Variants in POLR2F observed in about 807,000 individuals in gnomAD.
POLR2F encodes the protein DNA-directed RNA polymerases I, II, and III subunit RPABC2.
In POLR2F, 12 loss-of-function variants were observed where a neutral mutation model predicts 22.7. The observed-to-expected ratio is 0.53, with a 90% CI of 0.34 to 0.86. POLR2F has a LOEUF of 0.86. Ranked by LOEUF, POLR2F falls within the 40% of genes least tolerant of loss-of-function variation. POLR2F has a pLI of 0.02. For missense variants in POLR2F, 126 were observed against 171.5 expected (o/e 0.73, Z 1.48); for synonymous variants, 57 against 66.0 (o/e 0.86, Z 0.66).
At chr22:38,036,070 G>C (rs981135208) in intron 5 of POLR2F, among the ~76,000 whole-genome samples, 13 of 151,884 alleles carry the variant, frequency 8.6e-5, no homozygotes, top group African/African-American at 3.1e-4. Context: ...CCGCCTCCCG[G>C]GTTCAAGCAA....
At chr22:38,003,018 C>T (rs556326500) in intron 1 of POLR2F, among the ~76,000 whole-genome samples, 2 of 152,188 alleles carry the variant, frequency 1.3e-5, no homozygotes, top group Non-Finnish European at 2.9e-5. Flanking sequence ...ACCCACCGCG[C>T]CCGGCCAACT....
At chr22:37,979,019 C>T (rs758245027) in intron 4 of POLR2F, among the ~76,000 whole-genome samples, 12 of 151,996 alleles carry the variant, frequency 7.9e-5, no homozygotes, top group Non-Finnish European at 4.4e-5. Context: ...TTAGTTGATC[C>T]GCCTGCCTTG....
chr22:37,959,621 T>C (rs1277406400), intron 3 of POLR2F, 145 bp downstream of exon 3: 1 of 859,684 alleles, frequency 1.2e-6, no homozygotes, highest in African/African-American at 1.7e-5. Context: ...TACCAGGCAT[T>C]GAGCTAGTCC....
chr22:38,002,533 C>T (rs1044183128), intron 1 of POLR2F, among the ~76,000 whole-genome samples: 9 of 151,774 alleles, frequency 5.9e-5, no homozygotes, highest in Non-Finnish European at 2.9e-5. Context: ...CCACCATGCC[C>T]GGCTAATTTT....
At chr22:37,972,006 G>A (rs1569166966), downstream of POLR2F, among the ~76,000 whole-genome samples, 1 of 149,956 alleles carries the variant, frequency 6.7e-6, no homozygotes, top group African/African-American at 2.5e-5. Flanking sequence ...ACTCTCCATT[G>A]TTCCCACTTT....
chr22:37,975,711 T>C (rs1459458534), intron 4 of POLR2F, among the ~76,000 whole-genome samples: 1 of 152,186 alleles, frequency 6.6e-6, no homozygotes, highest in African/African-American at 2.4e-5. Flanking sequence ...CCTGGTTCTG[T>C]GTCTGGACAA....
chr22:37,978,691 G>T lies in POLR2F; in HGVS notation c.293+11521G>T, dbSNP rs1347896153. Among the ~76,000 whole-genome samples, 1 of 152,152 alleles carries T rather than the reference G, an allele frequency of 6.6e-6. No individual in the cohort carries two copies. Among genetic ancestry groups the T allele is most frequent in the Non-Finnish European group, 1.5e-5 (1 of 68,038 alleles). On this transcript the variant is annotated intron_variant, in intron 4 of 4. Coordinates refer to the POLR2F transcript ENST00000405557. The surrounding 1 kb of genome is among the most constrained non-coding windows in gnomAD (Gnocchi z 5.0). The stretch of plus-strand genomic sequence containing the variant: ...ATAACATTGGCTTAACTTGGGTGTG[G>T]GATTGGCCAGAATAATGGATGTGAG...
downstream of POLR2F, among the ~76,000 whole-genome samples, chr22:37,971,887 TG>T (rs1280319675): frequency 6.6e-6 from 1 of 151,630 alleles, no homozygotes; most frequent in Admixed American, 6.6e-5. Context: ...TAAGAGTGAG[TG>T]GCCCCCCTGC....
At chr22:37,959,582 C>T in intron 3 of POLR2F, 106 bp downstream of exon 3, 1 of 1,327,798 alleles carries the variant, frequency 7.5e-7, no homozygotes, top group South Asian at 1.4e-5. Flanking sequence ...TCTCTGCTCT[C>T]ACATTCCAAA....
downstream of POLR2F, chr22:37,971,279 G>C: frequency 2.1e-6 from 1 of 471,064 alleles, no homozygotes; most frequent in Admixed American, 2.3e-5. Context: ...CATCAGCCTC[G>C]CAAACTTCAG....
At chr22:38,000,906 G>A (rs746986490) in intron 1 of POLR2F, among the ~76,000 whole-genome samples, 7 of 152,174 alleles carry the variant, frequency 4.6e-5, no homozygotes, top group Admixed American at 1.3e-4. Flanking sequence ...TCAGCACAGC[G>A]CTTGGCACAT....
chr22:38,000,715 G>C (rs2084761649), intron 1 of POLR2F, among the ~76,000 whole-genome samples: 1 of 152,194 alleles, frequency 6.6e-6, no homozygotes, highest in Admixed American at 6.5e-5. Flanking sequence ...GAGGTGTAAG[G>C]TGTTTGAAAT....
chr22:37,979,584 G>T (rs377644754), intron 4 of POLR2F, among the ~76,000 whole-genome samples: 4 of 152,038 alleles, frequency 2.6e-5, no homozygotes, highest in Admixed American at 6.6e-5. Context: ...CTATATCCTT[G>T]TCCAGAAAAT....
rs770203654 is a variant in POLR2F at position 37,969,305 on chromosome 22, G to A, written c.*1590G>A. On this transcript the variant is annotated 3_prime_UTR_variant, in exon 5 of 5. Transcript: ENST00000442738. ...TGACTTCTCTTGAATAAAATGTCCC[G>A]GTCACCACTATTGGTTCTGTTTTCT... 7.3e-5 allele frequency: 72 copies of A among 985,172 alleles called. No individual in the cohort carries two copies. The highest frequency in any genetic ancestry group is 6.2e-4 in the Admixed American group (10 of 16,250). 61.0% of individuals were successfully genotyped at this position (985,172 alleles called of 1,614,324 possible). A position where few individuals can be genotyped will look rare whatever the true frequency, so the allele number is the denominator to read the frequency against.
In POLR2F at chr22:38,038,037, T is replaced by C. The variant is rs143462859; in HGVS notation, c.453-3031T>C. On this transcript the variant is annotated intron_variant, in intron 5 of 5. Transcript: ENST00000407936. ...ACAGTAGGTGCTCATGAACAGTAGC[T>C]TCTTTTAGAACAACTTGCCTATTAT... Among the ~76,000 whole-genome samples the C allele has an allele frequency of 8.7e-4, 133 of 152,024 alleles. 2 individuals are homozygous for C. In the East Asian group the frequency reaches 0.023, roughly 27 times the overall value.
chr22:38,037,049 T>A (rs960689664), intron 5 of POLR2F, among the ~76,000 whole-genome samples: 1 of 152,174 alleles, frequency 6.6e-6, no homozygotes, highest in African/African-American at 2.4e-5. Flanking sequence ...CTGGAACTCA[T>A]GGCTGCCTGA....
In POLR2F at chr22:37,980,916, C is replaced by A. The variant is rs930036145; in HGVS notation, c.293+13746C>A. Among the ~76,000 whole-genome samples, 2 of 152,190 alleles carry A rather than the reference C, an allele frequency of 1.3e-5. No homozygotes were observed. Among genetic ancestry groups the A allele is most frequent in the Non-Finnish European group, 2.9e-5 (2 of 68,038 alleles). On this transcript the variant is annotated intron_variant, in intron 4 of 4. Transcript: ENST00000405557. The surrounding 1 kb of genome is among the most constrained non-coding windows in gnomAD (Gnocchi z 4.1). Reference sequence around the variant, plus strand: ...ACTGGGAACAGAGGCTGGGTGACCCCCACCACACAGGAGGGACTCTTGCCT... The same window carrying A: ...ACTGGGAACAGAGGCTGGGTGACCCACACCACACAGGAGGGACTCTTGCCT...
chr22:37,956,392 G>C lies in POLR2F; in HGVS notation c.21-381G>C, dbSNP rs1418318183. Among the ~76,000 whole-genome samples, 3 of 151,590 alleles carry C rather than the reference G, an allele frequency of 2.0e-5. No homozygotes were observed. The East Asian group carries it at 5.8e-4, about 29-fold the overall frequency. ...GCCACAATACAAAGCCACCATGCCC[G>C]GCCTCTGAATTTTTTTTTTTTTTAA... On this transcript the variant is annotated intron_variant, in intron 1 of 4. Transcript: ENST00000442738.
At chr22:37,996,118 AC>A (rs1244587260) in intron 1 of POLR2F, among the ~76,000 whole-genome samples, 1 of 152,112 alleles carries the variant, frequency 6.6e-6, no homozygotes, top group Non-Finnish European at 1.5e-5. Flanking sequence ...GAGCAGGGAC[AC>A]CCTGGGGGAC....
Sources: allele counts gnomAD v4.1 joint callset (sites outside exome capture counted in the v4.1 genomes callset), GRCh38; gene constraint gnomAD v4.1.1; non-coding constraint Gnocchi (gnomAD v3.1); transcripts MANE v1.5; gene names NCBI Gene and HGNC (gene_info 2026-07-23, HGNC 2026-07-21).